DYNC2I1: variants seen among roughly 807,000 people sequenced by gnomAD.
The protein encoded by DYNC2I1 is cytoplasmic dynein 2 intermediate chain 1.
Under a neutral mutation model 133.4 loss-of-function variants are expected in DYNC2I1, and 89 were observed. That is an observed-to-expected ratio of 0.67 (90% confidence interval 0.56 to 0.80). The LOEUF is 0.80. DYNC2I1 is among the 30% of genes least tolerant of loss of function. The pLI is 0.00. For missense variants in DYNC2I1, 1,291 were observed against 1,314.5 expected, an observed-to-expected ratio of 0.98 and a Z score of 0.28; for synonymous variants, 504 against 484.3, an observed-to-expected ratio of 1.04 and a Z score of -0.54.
Position 158,862,764 on chromosome 7 carries a change from A to C in DYNC2I1, c.15+6014A>C, listed in dbSNP as rs112442237. The stretch of plus-strand genomic sequence containing the variant: ...CACAGACCCTCGCGGCGAGTGTTAC[A>C]ATTCTTAAAGATGGTGTGTCCGGAG... On this transcript the variant is annotated intron_variant, in intron 1 of 24. Transcript: ENST00000407559. Among the ~76,000 whole-genome samples, 1,503 of 152,036 alleles carry C rather than the reference A, an allele frequency of 9.9e-3. 28 individuals are homozygous for C. Among genetic ancestry groups the C allele is most frequent in the African/African-American group, 0.034 (1,406 of 41,434 alleles).
chr7:158,868,726 G>T (rs559377274), intron 1 of DYNC2I1, among the ~76,000 whole-genome samples: 35 of 152,328 alleles, frequency 2.3e-4, no homozygotes, highest in African/African-American at 8.4e-4. Flanking sequence ...TTTCTCTGCC[G>T]ATCCTTGAGC....
intron 5 of DYNC2I1, 89 bp from the exon 6 acceptor site, chr7:158,884,475 C>G: frequency 8.1e-7 from 1 of 1,230,626 alleles, no homozygotes; most frequent in Non-Finnish European, 1.1e-6. Context: ...AATTTTGAAT[C>G]TGTGCTTGTT....
chr7:158,894,019 A>G (rs1445920587), intron 8 of DYNC2I1, among the ~76,000 whole-genome samples: 1 of 152,140 alleles, frequency 6.6e-6, no homozygotes, highest in Non-Finnish European at 1.5e-5. Context: ...ATCATAGTGC[A>G]TATCCTACCA....
At chr7:158,893,911 A>G (rs1352289681) in intron 8 of DYNC2I1, among the ~76,000 whole-genome samples, 1 of 151,932 alleles carries the variant, frequency 6.6e-6, no homozygotes, top group Non-Finnish European at 1.5e-5. Flanking sequence ...ATCATACCGC[A>G]TATTATACCA....
chr7:158,942,266 A>T, intron 24 of DYNC2I1, 118 bp downstream of exon 24: 1 of 718,212 alleles, frequency 1.4e-6, no homozygotes, highest in Non-Finnish European at 2.2e-6. Flanking sequence ...AGATGTGGCC[A>T]TATGTAAATT....
chr7:158,852,136 T>C (rs537116096), upstream of DYNC2I1, among the ~76,000 whole-genome samples: 4 of 152,008 alleles, frequency 2.6e-5, no homozygotes, highest in African/African-American at 9.6e-5. Context: ...GGCTGTTTTT[T>C]TTTTTCTTAG....
At chr7:158,844,958 A>G in the DYNC2I1 span, among the ~76,000 whole-genome samples, 1 of 151,940 alleles carries the variant, frequency 6.6e-6, no homozygotes, top group Non-Finnish European at 1.5e-5. Flanking sequence ...GCACCTGGGA[A>G]GATCAGCTTG....
chr7:158,923,485 C>G (rs565081058), intron 16 of DYNC2I1, 86 bp from the exon 17 acceptor site: 1 of 1,589,486 alleles, frequency 6.3e-7, no homozygotes. Context: ...GAAACATGGT[C>G]AGACACCCCA....
intron 15 of DYNC2I1, among the ~76,000 whole-genome samples, chr7:158,920,049 G>A (rs180796880): frequency 6.1e-4 from 92 of 150,892 alleles, no homozygotes; most frequent in African/African-American, 2.1e-3. Flanking sequence ...GGCCTCCAAC[G>A]GGGAACACGT....
intron 6 of DYNC2I1, 150 bp from the exon 7 acceptor site, chr7:158,886,871 G>A: frequency 1.4e-6 from 1 of 722,602 alleles, no homozygotes; most frequent in Non-Finnish European, 2.3e-6. Context: ...AAATAGCTGG[G>A]ATTACAGGTG....
intron 4 of DYNC2I1, among the ~76,000 whole-genome samples, chr7:158,952,038 G>T (rs1430105315): frequency 6.6e-6 from 1 of 152,204 alleles, no homozygotes; most frequent in Admixed American, 6.5e-5. Context: ...CCCATGGTGG[G>T]TGTGAAACTC....
At chr7:158,903,690 G>C (rs570199169) in intron 10 of DYNC2I1, 1 of 152,340 alleles carries the variant, frequency 6.6e-6, no homozygotes, top group East Asian at 1.9e-4. Flanking sequence ...TCAGTTCCCC[G>C]TGGGGTAGCG....
chr7:158,916,633 T>G lies in DYNC2I1; in HGVS notation c.1792-2107T>G, dbSNP rs1207119288. On this transcript the variant is annotated intron_variant, in intron 14 of 24. Coordinates refer to ENST00000407559, the MANE Select transcript of DYNC2I1 (RefSeq NM_018051.5). ...ACATTAAGGATGATTGTGAAACGTCTACACGCTGGTTGACATTTAGGGTGA... is the reference window on the plus strand; with the variant it reads ...ACATTAAGGATGATTGTGAAACGTCGACACGCTGGTTGACATTTAGGGTGA... 2.3e-3 allele frequency among the ~76,000 whole-genome samples: 143 copies of G among 63,462 alleles called. 13 individuals are homozygous for G. The highest frequency in any genetic ancestry group is 0.022 in the Admixed American group (113 of 5,116). The allele number at this position is 63,462 out of a possible 152,430, so 41.6% of individuals were successfully genotyped here.
chr7:158,919,703 C>T (rs1160424989), intron 15 of DYNC2I1, among the ~76,000 whole-genome samples: 1 of 152,238 alleles, frequency 6.6e-6, no homozygotes, highest in East Asian at 1.9e-4. Flanking sequence ...TTACATTTCT[C>T]TGTCTTTTAA....
At chr7:158,842,907 T>C in the DYNC2I1 span, among the ~76,000 whole-genome samples, 1 of 152,180 alleles carries the variant, frequency 6.6e-6, no homozygotes, top group African/African-American at 2.4e-5. Flanking sequence ...GACCATGAAA[T>C]CAAAGCACAG....
At chr7:158,877,727 G>A (rs542469040) in intron 4 of DYNC2I1, among the ~76,000 whole-genome samples, 3 of 152,176 alleles carry the variant, frequency 2.0e-5, no homozygotes, top group Admixed American at 6.5e-5. Flanking sequence ...TAGAGACAGG[G>A]TCTTGCTCTG....
chr7:158,869,652 A>G (rs1221428833), intron 1 of DYNC2I1, among the ~76,000 whole-genome samples: 1 of 152,250 alleles, frequency 6.6e-6, no homozygotes, highest in Non-Finnish European at 1.5e-5. Flanking sequence ...AACACATTTT[A>G]TAATAATGTG....
At position 158,902,362 on chromosome 7, in the gene DYNC2I1, A is replaced by G; in HGVS notation, c.1138-14A>G. The G allele has an allele frequency of 1.2e-6, 2 of 1,605,260 alleles. No individual in the cohort carries two copies. Among genetic ancestry groups the G allele is most frequent in the South Asian group, 2.2e-5 (2 of 89,384 alleles). On this transcript the variant is annotated splice_polypyrimidine_tract_variant and intron_variant, in intron 9 of 24. Coordinates refer to ENST00000407559, the MANE Select transcript of DYNC2I1 (RefSeq NM_018051.5). ...TTGTCTTAAAGGGTTCCAAAAGATT[A>G]TTATTGTTTGCAGGACTATGAAGAT...
chr7:158,893,789 T>C (rs1585061974), intron 8 of DYNC2I1, among the ~76,000 whole-genome samples: 1 of 150,322 alleles, frequency 6.7e-6, no homozygotes, highest in Admixed American at 6.6e-5. Context: ...GTACCACATA[T>C]TGTAATGCAT....
Sources: gnomAD v4.1 joint callset for allele counts (sites outside exome capture counted in the v4.1 genomes callset) on GRCh38, gnomAD v4.1.1 for gene constraint, MANE v1.5 for transcripts, NCBI Gene and HGNC (gene_info 2026-07-23, HGNC 2026-07-21) for gene names.